IGF2BP2: variants seen among roughly 807,000 people sequenced by gnomAD.
The protein encoded by IGF2BP2 is insulin-like growth factor 2 mRNA-binding protein 2.
A neutral mutation model predicts 75.8 loss-of-function variants in IGF2BP2; 17 were observed. The observed-to-expected ratio is 0.22, with a 90% CI of 0.15 to 0.34. IGF2BP2 has a LOEUF of 0.34. IGF2BP2 is among the 10% of genes least tolerant of loss of function. The probability of loss-of-function intolerance (pLI) is 1.00; values close to 1 mark genes in which losing one functional copy is unlikely to be tolerated. For synonymous variants in IGF2BP2, 288 were observed against 295.6 expected (o/e 0.97, Z 0.26); for missense variants, 516 against 772.4 (o/e 0.67, Z 3.93).
intron 2 of IGF2BP2, among the ~76,000 whole-genome samples, chr3:185,812,990 GA>G (rs1379704669): frequency 6.6e-6 from 1 of 152,086 alleles, no homozygotes; most frequent in Non-Finnish European, 1.5e-5. Context: ...AACCATTATT[GA>G]AATAGACACA....
intron 2 of IGF2BP2, among the ~76,000 whole-genome samples, chr3:185,751,283 A>ATT (rs1487612836): frequency 6.6e-6 from 1 of 152,138 alleles, no homozygotes; most frequent in East Asian, 1.9e-4. Context: ...CACTGTTAAT[A>ATT]ATCTAATGAA....
At chr3:185,816,986 G>A (rs1185135052) in intron 2 of IGF2BP2, among the ~76,000 whole-genome samples, 3 of 152,120 alleles carry the variant, frequency 2.0e-5, no homozygotes, top group Non-Finnish European at 4.4e-5. Context: ...AATTCTTATT[G>A]CAATGTTCCC....
At position 185,675,808 on chromosome 3, in the gene IGF2BP2, G is replaced by C; in HGVS notation, c.918C>G (p.Thr306=). Residue 306 remains threonine, a synonymous_variant, in exon 8 of 16, where the codon ACC becomes ACG. Transcript: ENST00000382199. ...NLKKIEHETG[T]KITISSLQDL... is the part of the protein sequence containing the mutation. ...TGGCTTACGATGAGATTGTTATCTT[G>C]GTCCCTGTTTCATGTTCAATTTTCT... 1 of 1,612,884 alleles carries C rather than the reference G, an allele frequency of 6.2e-7. No homozygotes were observed. Among genetic ancestry groups the C allele is most frequent in the Non-Finnish European group, 8.5e-7 (1 of 1,179,838 alleles).
At chr3:185,796,869 TCAAA>T (rs1737487542) in intron 2 of IGF2BP2, among the ~76,000 whole-genome samples, 5 of 152,186 alleles carry the variant, frequency 3.3e-5, no homozygotes, top group African/African-American at 7.2e-5. Flanking sequence ...ATAGTTTGGT[TCAAA>T]CAATCTTTCA....
intron 2 of IGF2BP2, among the ~76,000 whole-genome samples, chr3:185,741,522 G>A (rs1729554513): frequency 6.6e-6 from 1 of 152,136 alleles, no homozygotes; most frequent in Admixed American, 6.5e-5. Flanking sequence ...GTGGCACCCT[G>A]TCCCATGAAT....
chr3:185,805,597 G>A (rs1241713210), intron 2 of IGF2BP2, among the ~76,000 whole-genome samples: 1 of 151,954 alleles, frequency 6.6e-6, no homozygotes, highest in Non-Finnish European at 1.5e-5. Context: ...GAGGAAAACT[G>A]AGAAAAAAAT....
intron 2 of IGF2BP2, among the ~76,000 whole-genome samples, chr3:185,801,988 G>A (rs1205498988): frequency 2.0e-5 from 3 of 151,864 alleles, no homozygotes; most frequent in African/African-American, 7.3e-5. Flanking sequence ...ACAGGGAGGG[G>A]ACCATCACAC....
At chr3:185,740,742 C>CAGGAT (rs1314470087) in intron 2 of IGF2BP2, among the ~76,000 whole-genome samples, 2 of 152,182 alleles carry the variant, frequency 1.3e-5, no homozygotes, top group Non-Finnish European at 1.5e-5. Context: ...AGGTTAGAGC[C>CAGGAT]AGGATGTAAG....
intron 2 of IGF2BP2, among the ~76,000 whole-genome samples, chr3:185,733,985 A>C (rs1728529078): frequency 6.6e-6 from 1 of 151,940 alleles, no homozygotes; most frequent in Non-Finnish European, 1.5e-5. Flanking sequence ...TACATTCATT[A>C]CTGGGAAAGT....
At chr3:185,682,784 G>A (rs1292580197) in intron 7 of IGF2BP2, among the ~76,000 whole-genome samples, 2 of 152,132 alleles carry the variant, frequency 1.3e-5, no homozygotes, top group African/African-American at 4.8e-5. Context: ...CGAAATAACA[G>A]AAAATAACAT....
chr3:185,646,600 C>T (rs574041822), intron 15 of IGF2BP2, among the ~76,000 whole-genome samples: 1 of 152,228 alleles, frequency 6.6e-6, no homozygotes, highest in Admixed American at 6.5e-5. Context: ...AGAGAAATGC[C>T]GTGAGCATGT....
At position 185,694,312 on chromosome 3, in the gene IGF2BP2, G is replaced by C. The variant is rs150664399; in HGVS notation, c.341-1550C>G. ...TTCTAGTGCTACAGATAAGGCTGTA[G>C]ACTCCCAGAAAGGGCTGGGTTTGAA... On this transcript the variant is annotated intron_variant, in intron 4 of 15. Coordinates refer to ENST00000382199, the MANE Select transcript of IGF2BP2 (RefSeq NM_006548.6). 5.5e-3 allele frequency among the ~76,000 whole-genome samples: 844 copies of C among 152,328 alleles called. 3 individuals are homozygous for C. Among genetic ancestry groups the C allele is most frequent in the Non-Finnish European group, 9.2e-3 (623 of 68,018 alleles).
Position 185,749,996 on chromosome 3 carries a change from T to A in IGF2BP2, c.240-51649A>T, listed in dbSNP as rs59850831. On this transcript the variant is annotated intron_variant, in intron 2 of 15. Coordinates refer to ENST00000382199, the MANE Select transcript of IGF2BP2 (RefSeq NM_006548.6). ...AGAAGCTCTTTGTAGGTAAGGACTA[T>A]CTCCTAGCTCAGTTGTTTTGAACTT... Among the ~76,000 whole-genome samples the A allele has an allele frequency of 3.4e-3, 517 of 152,330 alleles. 2 individuals are homozygous for A. Among genetic ancestry groups the A allele is most frequent in the African/African-American group, 0.012 (500 of 41,572 alleles).
chr3:185,764,989 T>C (rs1732860950), intron 2 of IGF2BP2, among the ~76,000 whole-genome samples: 1 of 152,160 alleles, frequency 6.6e-6, no homozygotes, highest in Non-Finnish European at 1.5e-5. Context: ...GGTCCAGTGT[T>C]TTACTTTCTT....
intron 2 of IGF2BP2, among the ~76,000 whole-genome samples, chr3:185,727,196 C>A (rs1224195491): frequency 5.0e-5 from 7 of 141,296 alleles, no homozygotes; most frequent in Non-Finnish European, 1.1e-4. Context: ...CCAGCCTGGG[C>A]GACAGAGAGA....
intron 10 of IGF2BP2, among the ~76,000 whole-genome samples, chr3:185,672,321 T>C (rs1181743190): frequency 6.6e-6 from 1 of 152,236 alleles, no homozygotes; most frequent in East Asian, 1.9e-4. Context: ...AGTTATGACA[T>C]ACTATATTTA....
At chr3:185,666,005 G>GATAGATAGATAGGTAGATAGGTAC (rs1717539273) in intron 10 of IGF2BP2, among the ~76,000 whole-genome samples, 1 of 17,542 alleles carries the variant, frequency 5.7e-5, no homozygotes, top group Non-Finnish European at 1.6e-4. Context: ...TAGGTACATA[G>GATAGATAGATAGGTAGATAGGTAC]ATAGATAGAT....
intron 2 of IGF2BP2, among the ~76,000 whole-genome samples, chr3:185,707,287 C>T (rs867206832): frequency 2.7e-5 from 3 of 110,560 alleles, no homozygotes; most frequent in African/African-American, 7.2e-5. Context: ...CAGTGTGTAA[C>T]GAAGGGGCTT....
chr3:185,678,741 TATC>T (rs1275815083), intron 7 of IGF2BP2, among the ~76,000 whole-genome samples: 1 of 152,226 alleles, frequency 6.6e-6, no homozygotes, highest in Non-Finnish European at 1.5e-5. Flanking sequence ...TTCCTACTGT[TATC>T]ATGTTGCTAA....
Sources: gnomAD v4.1 joint callset for allele counts (sites outside exome capture counted in the v4.1 genomes callset) on GRCh38, gnomAD v4.1.1 for gene constraint, MANE v1.5 for transcripts, NCBI Gene and HGNC (gene_info 2026-07-23, HGNC 2026-07-21) for gene names.